The following USP3 variants were observed in gnomAD, a reference collection of about 807,000 sequenced individuals.
The protein encoded by USP3 is ubiquitin carboxyl-terminal hydrolase 3.
Under a neutral mutation model 72.3 loss-of-function variants are expected in USP3, and 20 were observed. That is an observed-to-expected ratio of 0.28 (90% confidence interval 0.19 to 0.40). The LOEUF (loss-of-function observed/expected upper bound fraction) is 0.40, where lower values mean the gene tolerates loss of function less well. USP3 is among the 10% of genes least tolerant of loss of function. The pLI is 1.00. For synonymous variants in USP3, 222 were observed against 225.3 expected (o/e 0.99, Z 0.13); for missense variants, 479 against 633.9 (o/e 0.76, Z 2.62).
intron 1 of USP3, chr15:63,530,587 A>G (rs1291643905): frequency 6.9e-6 from 3 of 433,038 alleles, no homozygotes; most frequent in East Asian, 8.4e-5. Flanking sequence ...TGTTGGGACT[A>G]CAGGCACGTA....
At chr15:63,578,061 G>A (rs1034383682) in intron 11 of USP3, among the ~76,000 whole-genome samples, 1 of 151,596 alleles carries the variant, frequency 6.6e-6, no homozygotes, top group African/African-American at 2.4e-5. Flanking sequence ...GATCACTTGA[G>A]GCTAGGAGTT....
chr15:63,534,906 C>T (rs566498644), intron 2 of USP3, among the ~76,000 whole-genome samples: 255 of 133,198 alleles, frequency 1.9e-3, no homozygotes, highest in South Asian at 0.017. Context: ...TTAGAGTTTG[C>T]CTTTTATTTG....
intron 8 of USP3, among the ~76,000 whole-genome samples, chr15:63,568,352 T>TAAAA (rs545943861): frequency 7.6e-6 from 1 of 131,464 alleles, no homozygotes. Context: ...AGACTCCATC[T>TAAAA]AAAAAAAAAA....
chr15:63,560,688 G>T (rs1488509607), intron 7 of USP3, among the ~76,000 whole-genome samples: 1 of 152,004 alleles, frequency 6.6e-6, no homozygotes, highest in African/African-American at 2.4e-5. Context: ...GGTTGATACG[G>T]AGAGGGGGGG....
chr15:63,590,639 C>G, intron 14 of USP3, 22 bp from the exon 15 acceptor site: 1 of 1,516,462 alleles, frequency 6.6e-7, no homozygotes, highest in Non-Finnish European at 8.8e-7. Context: ...TTCTTTTTTC[C>G]TTTGGTCTTT....
chr15:63,582,461 G>A (rs1004230777), intron 11 of USP3, among the ~76,000 whole-genome samples: 21 of 152,178 alleles, frequency 1.4e-4, no homozygotes, highest in African/African-American at 4.6e-4. Context: ...GGGTTCTCAA[G>A]GCAGTTAGGG....
At position 63,525,869 on chromosome 15, in the gene USP3, A is replaced by G. The variant is rs148208547; in HGVS notation, c.92-6778A>G. Among the ~76,000 whole-genome samples, 266 of 152,340 alleles carry G rather than the reference A, an allele frequency of 1.7e-3. 3 individuals carry two copies. The East Asian group carries it at 0.022, about 13-fold the overall frequency. On this transcript the variant is annotated intron_variant, in intron 1 of 14. Transcript: ENST00000380324. ...TTTTAAGAGGAATAACAGTTTTACTATTGATACTTTCACGATGTATGTGTG... is the reference window on the plus strand; with the variant it reads ...TTTTAAGAGGAATAACAGTTTTACTGTTGATACTTTCACGATGTATGTGTG...
Position 63,544,580 on chromosome 15 carries a change from T to C in USP3, c.284+7424T>C, listed in dbSNP as rs868056641. The C allele has an allele frequency of 1.3e-5, 8 of 614,118 alleles. No homozygotes were observed. In the Middle Eastern group the frequency reaches 2.0e-3, roughly 157 times the overall value. The allele number at this position is 614,118 out of a possible 1,614,324, so 38.0% of individuals were successfully genotyped here. ...TTTTTTAAAGGAAGTAAACCTACAT[T>C]AAATTTTAGGACAAGAAAACGATTG... On this transcript the variant is annotated intron_variant, in intron 3 of 14. Transcript: ENST00000380324. This position sits in a 1 kb window ranked among gnomAD's most constrained non-coding sequence, Gnocchi z 4.2.
At chr15:63,525,790 A>G (rs749509933) in intron 1 of USP3, among the ~76,000 whole-genome samples, 21 of 152,172 alleles carry the variant, frequency 1.4e-4, no homozygotes, top group Non-Finnish European at 2.5e-4. Flanking sequence ...ATTTTTACTT[A>G]TATGTACTGG....
At chr15:63,576,600 C>T (rs1160315016) in intron 11 of USP3, among the ~76,000 whole-genome samples, 5 of 152,164 alleles carry the variant, frequency 3.3e-5, no homozygotes, top group African/African-American at 9.7e-5. Flanking sequence ...GTGGCATCTG[C>T]CTTGCATCCC....
At chr15:63,572,382 T>A (rs1262344460) in intron 9 of USP3, among the ~76,000 whole-genome samples, 1 of 144,924 alleles carries the variant, frequency 6.9e-6, no homozygotes. Context: ...CAGGGTTTTG[T>A]TTTTTTTTTT....
chr15:63,525,473 C>CT (rs1322091104), intron 1 of USP3, among the ~76,000 whole-genome samples: 18 of 152,224 alleles, frequency 1.2e-4, no homozygotes, highest in Admixed American at 1.2e-3. Flanking sequence ...ACATCAGACA[C>CT]TGATTTTGGC....
Position 63,560,706 on chromosome 15 carries a change from C to T in USP3, c.647+736C>T, listed in dbSNP as rs1045086700. On this transcript the variant is annotated intron_variant, in intron 7 of 14. Transcript: ENST00000380324. ...TGATACGGAGAGGGGGGGAAGAAAA[C>T]GGACAAGTGCTCATTAAGAACCAAT... Among the ~76,000 whole-genome samples the T allele has an allele frequency of 5.9e-5, 9 of 152,162 alleles. No homozygotes were observed. In the South Asian group the frequency reaches 1.7e-3, roughly 28 times the overall value.
intron 14 of USP3, 52 bp from the exon 15 acceptor site, chr15:63,590,609 T>C: frequency 1.4e-6 from 2 of 1,457,206 alleles, no homozygotes; most frequent in Non-Finnish European, 1.8e-6. Flanking sequence ...GTTGTACAGG[T>C]CTTTTTGTGA....
Position 63,588,624 on chromosome 15 carries a change from G to T in USP3, c.1216-78G>T. On this transcript the variant is annotated intron_variant, in intron 12 of 14. Transcript: ENST00000380324. The surrounding 1 kb of genome is among the most constrained non-coding windows in gnomAD (Gnocchi z 4.6). ...TAGGGCAGCTAAAATGTTATTTACT[G>T]AACTGATAGTAGTATCAAACTTTGA... 1 of 1,114,570 alleles carries T rather than the reference G, an allele frequency of 9.0e-7. No homozygotes were observed. Among genetic ancestry groups the T allele is most frequent in the South Asian group, 1.4e-5 (1 of 71,518 alleles). The allele number at this position is 1,114,570 out of a possible 1,614,324, so 69.0% of individuals were successfully genotyped here.
chr15:63,567,723 C>T (rs1195729922), intron 8 of USP3, among the ~76,000 whole-genome samples: 4 of 151,370 alleles, frequency 2.6e-5, no homozygotes, highest in African/African-American at 7.3e-5. Flanking sequence ...TCAGGTGATC[C>T]GTCTGCCTCA....
intron 3 of USP3, among the ~76,000 whole-genome samples, chr15:63,547,763 A>G (rs1289119277): frequency 4.0e-4 from 3 of 7,498 alleles, no homozygotes; most frequent in South Asian, 2.9e-3. Flanking sequence ...GGAGGGAGGG[A>G]GAGAGAGAGA....
At chr15:63,569,998 C>T (rs1389647498) in intron 8 of USP3, among the ~76,000 whole-genome samples, 2 of 152,098 alleles carry the variant, frequency 1.3e-5, no homozygotes, top group Non-Finnish European at 2.9e-5. Context: ...ACCTGGTTTT[C>T]TAGTGAGGGT....
intron 3 of USP3, chr15:63,551,461 A>G (rs2066435482): frequency 6.6e-6 from 1 of 152,028 alleles, no homozygotes; most frequent in African/African-American, 2.4e-5. Context: ...ATAGGTCACC[A>G]TAACTCATGG....
Sources: gnomAD v4.1 joint callset for allele counts (sites outside exome capture counted in the v4.1 genomes callset) on GRCh38, gnomAD v4.1.1 for gene constraint, Gnocchi (gnomAD v3.1) non-coding constraint, MANE v1.5 for transcripts, NCBI Gene and HGNC (gene_info 2026-07-23, HGNC 2026-07-21) for gene names.